Variants in CSMD3 observed in about 807,000 individuals in gnomAD.
CSMD3 encodes the protein CUB and Sushi multiple domains 3, also known as CUB and sushi domain-containing protein 3.
CSMD3 carries 177 observed loss-of-function variants against 435.2 expected under a neutral mutation model. The observed-to-expected ratio is 0.41, with a 90% CI of 0.36 to 0.46. CSMD3 has a LOEUF of 0.46. Among genes scored for constraint, CSMD3 ranks in the 20% least tolerant of loss-of-function variants. The pLI is 0.34. For missense variants in CSMD3, 4,265 were observed against 4,504.6 expected (o/e 0.95, Z 1.52); for synonymous variants, 1,656 against 1,520.5 (o/e 1.09, Z -2.07).
intron 10 of CSMD3, among the ~76,000 whole-genome samples, chr8:112,908,120 C>A (rs543415502): frequency 1.3e-5 from 2 of 151,394 alleles, no homozygotes; most frequent in African/African-American, 4.8e-5. Context: ...CCTTTTCTAC[C>A]AAATTTATTC....
intron 28 of CSMD3, among the ~76,000 whole-genome samples, chr8:112,512,455 C>A (rs1470438848): frequency 2.6e-5 from 4 of 152,156 alleles, no homozygotes; most frequent in Non-Finnish European, 4.4e-5. Flanking sequence ...GTTGAACAAG[C>A]AATGGGTACA....
chr8:112,427,634 T>C (rs999795092), intron 32 of CSMD3, among the ~76,000 whole-genome samples: 1 of 152,178 alleles, frequency 6.6e-6, no homozygotes, highest in Non-Finnish European at 1.5e-5. Context: ...ATATGTCTTG[T>C]CACCAAATTC....
At chr8:113,047,280 C>T (rs1381865974) in intron 5 of CSMD3, among the ~76,000 whole-genome samples, 3 of 152,128 alleles carry the variant, frequency 2.0e-5, no homozygotes, top group Non-Finnish European at 4.4e-5. Context: ...ATGTAAGCCT[C>T]GTGAGGAAGG....
intron 7 of CSMD3, among the ~76,000 whole-genome samples, chr8:112,961,013 T>C (rs1030127516): frequency 3.3e-5 from 5 of 151,810 alleles, no homozygotes; most frequent in African/African-American, 1.2e-4. Context: ...ATCAAATGTA[T>C]GTGATGCTCA....
chr8:112,706,568 T>C (rs991552747), intron 13 of CSMD3, among the ~76,000 whole-genome samples: 4 of 151,986 alleles, frequency 2.6e-5, no homozygotes, highest in African/African-American at 7.2e-5. Context: ...AAGGGAATGA[T>C]AGTGTGAACA....
At chr8:113,249,808 G>C (rs1381496951) in intron 3 of CSMD3, among the ~76,000 whole-genome samples, 4 of 149,326 alleles carry the variant, frequency 2.7e-5, no homozygotes, top group African/African-American at 4.9e-5. Context: ...TCCTGAAAAA[G>C]AAGAAGTAAT....
At chr8:113,212,662 C>T (rs2092851493) in intron 3 of CSMD3, among the ~76,000 whole-genome samples, 1 of 151,830 alleles carries the variant, frequency 6.6e-6, no homozygotes, top group Non-Finnish European at 1.5e-5. Context: ...ACCGCATGTT[C>T]TCACTCATAG....
At chr8:113,046,536 G>A (rs2087842052) in intron 5 of CSMD3, among the ~76,000 whole-genome samples, 1 of 127,474 alleles carries the variant, frequency 7.8e-6, no homozygotes, top group South Asian at 2.3e-4. Flanking sequence ...CGCCCCCAGC[G>A]CTGCTGGATG....
chr8:113,181,424 G>C (rs139389857), intron 3 of CSMD3, among the ~76,000 whole-genome samples: 57 of 152,106 alleles, frequency 3.7e-4, no homozygotes, highest in Middle Eastern at 3.4e-3. Context: ...TTCAGCATCA[G>C]ATGTAGATTT....
At chr8:112,293,636 T>A (rs959092031) in intron 54 of CSMD3, among the ~76,000 whole-genome samples, 9 of 152,138 alleles carry the variant, frequency 5.9e-5, no homozygotes, top group Non-Finnish European at 1.3e-4. Flanking sequence ...GAAATAATAT[T>A]CTTAATTAGG....
intron 48 of CSMD3, 26 bp downstream of exon 48, chr8:112,314,403 A>G (rs562959863): frequency 1.4e-6 from 2 of 1,468,316 alleles, no homozygotes; most frequent in South Asian, 1.1e-5. Flanking sequence ...ATTGATGAAT[A>G]TCCAATAAAT....
chr8:112,534,111 G>A (rs1203425530), intron 27 of CSMD3, among the ~76,000 whole-genome samples: 1 of 152,034 alleles, frequency 6.6e-6, no homozygotes, highest in Non-Finnish European at 1.5e-5. Flanking sequence ...ACAATTAAAA[G>A]AACTAGAAAA....
chr8:113,350,243 A>G (rs376943933), intron 1 of CSMD3, among the ~76,000 whole-genome samples: 1 of 152,090 alleles, frequency 6.6e-6, no homozygotes, highest in Non-Finnish European at 1.5e-5. Context: ...GACAGAATGA[A>G]TCGTTGTTTT....
intron 10 of CSMD3, among the ~76,000 whole-genome samples, chr8:112,882,102 C>T (rs1026488): frequency 0.8 from 121,052 of 151,678 alleles, 49,097 homozygotes; most frequent in East Asian, 0.93. Flanking sequence ...AATAGGGAAG[C>T]CTTAGCATAA....
intron 63 of CSMD3, among the ~76,000 whole-genome samples, chr8:112,253,737 CTA>C (rs1411843110): frequency 6.6e-6 from 1 of 152,008 alleles, no homozygotes; most frequent in Non-Finnish European, 1.5e-5. Context: ...AACAATTCAA[CTA>C]TGTGTTGTAT....
chr8:112,837,642 T>C (rs2080065942), intron 11 of CSMD3, among the ~76,000 whole-genome samples: 1 of 151,778 alleles, frequency 6.6e-6, no homozygotes, highest in South Asian at 2.1e-4. Context: ...TATCTTAAAA[T>C]AGGTATTCGT....
At chr8:112,829,918 CACACACACAA>C (rs2079817078) in intron 11 of CSMD3, 129 bp from the exon 12 acceptor site, 4 of 446,642 alleles carry the variant, frequency 9.0e-6, no homozygotes, top group South Asian at 3.2e-5. Flanking sequence ...CACACACACA[CACACACACAA>C]GCAGTTCAAT....
chr8:112,664,025 A>G (rs1196004003), intron 17 of CSMD3, among the ~76,000 whole-genome samples: 2 of 152,098 alleles, frequency 1.3e-5, no homozygotes, highest in Admixed American at 1.3e-4. Flanking sequence ...TTGAAGGATA[A>G]TGACTGGTGA....
intron 38 of CSMD3, among the ~76,000 whole-genome samples, chr8:112,368,826 T>C (rs56925241): frequency 0.033 from 4,971 of 152,214 alleles, 273 homozygotes; most frequent in African/African-American, 0.11. Flanking sequence ...TCTATAATTT[T>C]CCATTTGTAA....
Sources: allele counts gnomAD v4.1 joint callset (sites outside exome capture counted in the v4.1 genomes callset), GRCh38; gene constraint gnomAD v4.1.1; transcripts MANE v1.5; gene names NCBI Gene and HGNC (gene_info 2026-07-23, HGNC 2026-07-21).